IHO1: variants seen among roughly 807,000 people sequenced by gnomAD.
IHO1 encodes interactor of HORMAD1 protein 1.
A neutral mutation model predicts 31.0 loss-of-function variants in IHO1; 13 were observed. That is an observed-to-expected ratio of 0.42 (90% confidence interval 0.27 to 0.67). The LOEUF (loss-of-function observed/expected upper bound fraction) is 0.67. IHO1 is among the 30% of genes least tolerant of loss of function. The pLI, the probability that IHO1 is intolerant of heterozygous loss-of-function variation, is 0.24. For synonymous variants in IHO1, 221 were observed against 248.4 expected (o/e 0.89, Z 1.04); for missense variants, 599 against 687.5 (o/e 0.87, Z 1.44).
chr3:49,218,020 GTT>G (rs1164173260), intron 2 of IHO1, among the ~76,000 whole-genome samples: 1 of 152,168 alleles, frequency 6.6e-6, no homozygotes, highest in East Asian at 1.9e-4. Context: ...GATGAATATG[GTT>G]TTATTCTGCA....
chr3:49,232,123 G>C (rs2046490789), intron 2 of IHO1, among the ~76,000 whole-genome samples: 1 of 152,190 alleles, frequency 6.6e-6, no homozygotes, highest in Non-Finnish European at 1.5e-5. Context: ...TATTAAAACA[G>C]ATAATGCCCC....
At chr3:49,246,976 G>A (rs1372312605) in intron 6 of IHO1, among the ~76,000 whole-genome samples, 1 of 151,150 alleles carries the variant, frequency 6.6e-6, no homozygotes, top group Non-Finnish European at 1.5e-5. Context: ...AGTCTCCTGA[G>A]TAGCTGGGAT....
intron 1 of IHO1, among the ~76,000 whole-genome samples, chr3:49,210,445 T>C (rs947187526): frequency 2.6e-5 from 4 of 151,664 alleles, no homozygotes; most frequent in Admixed American, 6.6e-5. Context: ...TCGCCCAGGC[T>C]GGAGTGCAGT....
chr3:49,209,061 C>T (rs1388324690), intron 1 of IHO1, among the ~76,000 whole-genome samples: 4 of 152,168 alleles, frequency 2.6e-5, no homozygotes, highest in African/African-American at 7.2e-5. Context: ...TTGGGTAAAC[C>T]ATGTGGTAAA....
Position 49,234,172 on chromosome 3 carries a change from T to TTG in IHO1, c.57-2375_57-2374insGT, listed in dbSNP as rs1277389588. ...ATGTCTTTTGTTGTTGTTTTTTTTTTTTTTTTTTTTTTGGTTTTTTTGACG... is the reference window on the plus strand; with the variant it reads ...ATGTCTTTTGTTGTTGTTTTTTTTTTTGTTTTTTTTTTTTGGTTTTTTTGACG... On this transcript the variant is annotated intron_variant, in intron 2 of 7. Coordinates refer to ENST00000452691, the MANE Select transcript of IHO1 (RefSeq NM_001135197.2). Among the ~76,000 whole-genome samples, 5 of 146,622 alleles carry TTG rather than the reference T, an allele frequency of 3.4e-5. No homozygotes were observed. The South Asian group carries it at 6.7e-4, about 20-fold the overall frequency.
At chr3:49,223,849 C>T (rs767040197) in intron 2 of IHO1, among the ~76,000 whole-genome samples, 4 of 152,340 alleles carry the variant, frequency 2.6e-5, no homozygotes, top group Middle Eastern at 3.4e-3. Context: ...CACAGACCAA[C>T]AAGTATTGAA....
In IHO1 at chr3:49,236,713, C is replaced by A; in HGVS notation, c.222C>A (p.Asn74Lys). The change falls in exon 3 of 8, where the codon AAC (asparagine) becomes AAA (lysine). Residue 74 changes from asparagine to lysine, a missense_variant. Transcript: ENST00000452691. ...HLRHSKQSQQ[N>K]YLEGEPSIFT... ...GACATTCAAAACAGTCACAACAGAA[C>A]TATCTGGAGGTGAGTCTGGTTTCCA... The A allele has an allele frequency of 6.2e-7, 1 of 1,612,830 alleles. No homozygotes were observed.
intron 2 of IHO1, among the ~76,000 whole-genome samples, chr3:49,225,766 A>G (rs1400108935): frequency 6.6e-6 from 1 of 152,194 alleles, no homozygotes; most frequent in Non-Finnish European, 1.5e-5. Context: ...TACTCCTTGG[A>G]TGGTAACAGA....
chr3:49,235,439 AG>A (rs1303933302), intron 2 of IHO1, among the ~76,000 whole-genome samples: 1 of 150,032 alleles, frequency 6.7e-6, no homozygotes, highest in Non-Finnish European at 1.5e-5. Flanking sequence ...CATGTTAGCC[AG>A]GATGGTCTCG....
chr3:49,196,210 G>A (rs1269129619), upstream of IHO1, among the ~76,000 whole-genome samples: 2 of 133,534 alleles, frequency 1.5e-5, no homozygotes, highest in Non-Finnish European at 3.1e-5. Flanking sequence ...CAGCCTGGGC[G>A]ACAGTAAGAC....
chr3:49,207,462 T>A (rs2046153886), intron 1 of IHO1, among the ~76,000 whole-genome samples: 1 of 151,858 alleles, frequency 6.6e-6, no homozygotes, highest in Non-Finnish European at 1.5e-5. Flanking sequence ...GCCTGGAGGG[T>A]CTCAATCTTT....
intron 1 of IHO1, among the ~76,000 whole-genome samples, chr3:49,208,936 A>G: frequency 6.6e-6 from 1 of 152,238 alleles, no homozygotes; most frequent in East Asian, 1.9e-4. Flanking sequence ...GATGATCTAA[A>G]GACCTCTTGT....
chr3:49,217,920 C>T (rs2046308843), intron 2 of IHO1, among the ~76,000 whole-genome samples: 2 of 152,236 alleles, frequency 1.3e-5, no homozygotes, highest in African/African-American at 4.8e-5. Flanking sequence ...GGCAACATGA[C>T]TGTCAGTTCC....
chr3:49,191,619 G>A, the IHO1 span: 13 of 1,016,440 alleles, frequency 1.3e-5, no homozygotes, highest in South Asian at 3.9e-5. Context: ...GGAAGTGGGC[G>A]GCTCAGGGTC....
chr3:49,239,384 C>T (rs995102534), intron 3 of IHO1, among the ~76,000 whole-genome samples: 5 of 151,846 alleles, frequency 3.3e-5, no homozygotes, highest in African/African-American at 9.7e-5. Flanking sequence ...CGGGTTCAAG[C>T]GATTCTCCTG....
intron 2 of IHO1, among the ~76,000 whole-genome samples, chr3:49,219,935 A>C (rs2046333334): frequency 6.6e-6 from 1 of 152,216 alleles, no homozygotes; most frequent in African/African-American, 2.4e-5. Flanking sequence ...AAAGTGGCAA[A>C]GGAGGAAGAG....
chr3:49,210,188 C>G (rs1346175788), intron 1 of IHO1, among the ~76,000 whole-genome samples: 1 of 151,928 alleles, frequency 6.6e-6, no homozygotes, highest in African/African-American at 2.4e-5. Flanking sequence ...GTTGCCATGC[C>G]TAGCTTGTTT....
Position 49,256,984 on chromosome 3 carries a change from G to T in IHO1, c.1487G>T (p.Arg496Leu). ...QSPFLGQQEP[R>L]AQPLHLQCPR... ...CCCTTCCTGGGGCAGCAGGAACCCC[G>T]TGCTCAGCCTCTGCATCTGCAGTGT... The change falls in exon 8 of 8, where the codon CGT (arginine) becomes CTT (leucine). Residue 496 changes from arginine to leucine, a missense_variant. By Grantham distance (102) the Arg-to-Leu change is moderately radical. Coordinates refer to ENST00000452691, the MANE Select transcript of IHO1 (RefSeq NM_001135197.2). This position sits in a 1 kb window ranked among gnomAD's most constrained non-coding sequence, Gnocchi z 4.6. The T allele has an allele frequency of 6.2e-7, 1 of 1,614,134 alleles. No homozygotes were observed. The highest frequency in any genetic ancestry group is 1.1e-5 in the South Asian group (1 of 91,076).
intron 2 of IHO1, among the ~76,000 whole-genome samples, chr3:49,224,970 C>T (rs1289901469): frequency 1.3e-5 from 2 of 152,246 alleles, no homozygotes; most frequent in South Asian, 2.1e-4. Flanking sequence ...ATGAGTAGTC[C>T]AGACAGTGAG....
Sources: gnomAD v4.1 joint callset for allele counts (sites outside exome capture counted in the v4.1 genomes callset) on GRCh38, gnomAD v4.1.1 for gene constraint, Gnocchi (gnomAD v3.1) non-coding constraint, MANE v1.5 for transcripts, NCBI Gene and HGNC (gene_info 2026-07-23, HGNC 2026-07-21) for gene names.